DENND4C: variants seen among roughly 807,000 people sequenced by gnomAD.
DENND4C encodes DENN domain-containing protein 4C.
A neutral mutation model predicts 203.0 loss-of-function variants in DENND4C; 108 were observed. That is an observed-to-expected ratio of 0.53 (90% confidence interval 0.46 to 0.62). The LOEUF is 0.62. DENND4C is among the 20% of genes least tolerant of loss of function. The probability of loss-of-function intolerance (pLI) is 0.00; values close to 1 mark genes in which losing one functional copy is unlikely to be tolerated. For synonymous variants in DENND4C, 871 were observed against 792.4 expected, an observed-to-expected ratio of 1.10 and a Z score of -1.67; for missense variants, 2,481 against 2,301.2, an observed-to-expected ratio of 1.08 and a Z score of -1.60.
At chr9:19,336,982 T>A in intron 20 of DENND4C, 150 bp downstream of exon 20, 1 of 758,352 alleles carries the variant, frequency 1.3e-6, no homozygotes, top group South Asian at 2.0e-5. Context: ...AGTCTGCAGA[T>A]GACTTCTGTT....
chr9:19,366,009 G>A (rs1289164372), intron 30 of DENND4C, among the ~76,000 whole-genome samples: 4 of 152,164 alleles, frequency 2.6e-5, no homozygotes, highest in Non-Finnish European at 5.9e-5. Flanking sequence ...TTGATTTACA[G>A]ATTGAATGCA....
At chr9:19,288,501 T>C in intron 3 of DENND4C, 95 bp from the exon 4 acceptor site, 1 of 707,542 alleles carries the variant, frequency 1.4e-6, no homozygotes, top group Non-Finnish European at 2.0e-6. Context: ...AATAGACTCT[T>C]CTGAGTAAAT....
intron 1 of DENND4C, among the ~76,000 whole-genome samples, chr9:19,256,297 G>GTTTTTTTTTTTGTTTTTTTT (rs1827916654): frequency 8.2e-6 from 1 of 122,610 alleles, no homozygotes; most frequent in Non-Finnish European, 1.7e-5. Flanking sequence ...TTTCTTTTCT[G>GTTTTTTTTTTTGTTTTTTTT]TTTTTTTTTT....
intron 1 of DENND4C, among the ~76,000 whole-genome samples, chr9:19,240,942 G>A (rs1366267719): frequency 1.3e-5 from 2 of 152,122 alleles, no homozygotes; most frequent in Admixed American, 6.6e-5. Context: ...CAGCCTAGGC[G>A]ACAGAGTGAC....
At chr9:19,331,922 C>T in intron 16 of DENND4C, 56 bp from the exon 17 acceptor site, 2 of 1,468,110 alleles carry the variant, frequency 1.4e-6, no homozygotes, top group Non-Finnish European at 1.9e-6. Flanking sequence ...CTTCTCACTT[C>T]TCCCCTCACC....
chr9:19,366,820 C>T (rs1002405990), intron 30 of DENND4C, among the ~76,000 whole-genome samples: 1 of 152,038 alleles, frequency 6.6e-6, no homozygotes, highest in Admixed American at 6.6e-5. Context: ...AAAAAAGCAA[C>T]AAAAGCACAA....
intron 1 of DENND4C, among the ~76,000 whole-genome samples, chr9:19,253,987 A>G (rs1827292517): frequency 6.6e-6 from 1 of 152,216 alleles, no homozygotes; most frequent in Non-Finnish European, 1.5e-5. Context: ...CAAAAAATAC[A>G]AAAATTATAG....
At chr9:19,242,799 G>A (rs1824108307) in intron 1 of DENND4C, among the ~76,000 whole-genome samples, 1 of 152,026 alleles carries the variant, frequency 6.6e-6, no homozygotes, top group Non-Finnish European at 1.5e-5. Context: ...GGGACTATAG[G>A]CGCATGCCAC....
At chr9:19,254,685 G>T (rs914535332) in intron 1 of DENND4C, among the ~76,000 whole-genome samples, 3 of 152,160 alleles carry the variant, frequency 2.0e-5, no homozygotes, top group African/African-American at 7.2e-5. Context: ...AGAGCAAATT[G>T]TAAGTGACCC....
chr9:19,245,599 G>A (rs1825004417), intron 1 of DENND4C, among the ~76,000 whole-genome samples: 1 of 152,052 alleles, frequency 6.6e-6, no homozygotes, highest in Non-Finnish European at 1.5e-5. Flanking sequence ...GCTCACTCCT[G>A]TAATCCCAGC....
At chr9:19,355,093 G>T (rs1825097977) in intron 26 of DENND4C, among the ~76,000 whole-genome samples, 1 of 151,196 alleles carries the variant, frequency 6.6e-6, no homozygotes, top group Non-Finnish European at 1.5e-5. Flanking sequence ...TGTATTTTTG[G>T]TAGAGACAGG....
At chr9:19,288,537 C>A in intron 3 of DENND4C, 59 bp from the exon 4 acceptor site, 1 of 1,087,106 alleles carries the variant, frequency 9.2e-7, no homozygotes, top group African/African-American at 1.6e-5. Flanking sequence ...TGGTATCCAA[C>A]AAAATCAATT....
intron 1 of DENND4C, among the ~76,000 whole-genome samples, chr9:19,272,445 A>C (rs959989837): frequency 2.6e-5 from 4 of 151,862 alleles, no homozygotes; most frequent in African/African-American, 4.8e-5. Flanking sequence ...AAAACAAAAA[A>C]CAAAAAAATG....
chr9:19,298,359 G>A (rs1837873953), intron 7 of DENND4C, among the ~76,000 whole-genome samples: 1 of 152,112 alleles, frequency 6.6e-6, no homozygotes, highest in African/African-American at 2.4e-5. Context: ...TTTGGCCCAT[G>A]CATGACCTTT....
At chr9:19,231,557 T>C (rs1312976094) in intron 1 of DENND4C, among the ~76,000 whole-genome samples, 1 of 151,148 alleles carries the variant, frequency 6.6e-6, no homozygotes, top group Admixed American at 6.6e-5. Flanking sequence ...TTTTTTTTCC[T>C]CCCCTTTTCT....
At chr9:19,286,722 GTGTATGTA>G in intron 2 of DENND4C, 39 bp from the exon 3 acceptor site, 1 of 1,192,438 alleles carries the variant, frequency 8.4e-7, no homozygotes, top group Non-Finnish European at 1.1e-6. Flanking sequence ...ATATGTATGT[GTGTATGTA>G]TATATCTATA....
rs1260216253 is a variant in DENND4C at position 19,372,200 on chromosome 9, A to G, written c.*27A>G. ...TAGAGATTCACTAGAATGTTGACAC[A>G]CAAGGCTTGGGGATTAGATTTCATC... On this transcript the variant is annotated 3_prime_UTR_variant, in exon 33 of 33. Coordinates refer to ENST00000434457, the MANE Select transcript of DENND4C (RefSeq NM_001330640.2). 1 of 1,594,952 alleles carries G rather than the reference A, an allele frequency of 6.3e-7. No homozygotes were observed. The highest frequency in any genetic ancestry group is 1.3e-5 in the African/African-American group (1 of 74,212).
At chr9:19,296,364 CTTTTT>C in intron 6 of DENND4C, 118 bp downstream of exon 6, 47 of 480,294 alleles carry the variant, frequency 9.8e-5, no homozygotes, top group East Asian at 2.2e-4. Flanking sequence ...TTTAACTGAA[CTTTTT>C]TTTTTTTTTT....
At position 19,342,742 on chromosome 9, in the gene DENND4C, T is replaced by C. The variant is rs1821933749; in HGVS notation, c.3114T>C (p.Ser1038=). The part of the protein sequence containing the change: ...AWGSSIVKVP[S]GIFDVNSRKS... ...GCAGCAGTATTGTGAAAGTTCCGTCTGGTATATTTGATGTCAACAGCAGGA... is the reference window on the plus strand; with the variant it reads ...GCAGCAGTATTGTGAAAGTTCCGTCCGGTATATTTGATGTCAACAGCAGGA... The change falls in exon 22 of 33, where the codon TCT becomes TCC. Residue 1038 remains serine, a synonymous_variant. Transcript: ENST00000434457. 3.1e-6 allele frequency: 5 copies of C among 1,610,634 alleles called. No homozygotes were observed. In the Admixed American group the frequency reaches 5.0e-5, roughly 16 times the overall value.
Sources: allele counts gnomAD v4.1 joint callset (sites outside exome capture counted in the v4.1 genomes callset), GRCh38; gene constraint gnomAD v4.1.1; transcripts MANE v1.5; gene names NCBI Gene and HGNC (gene_info 2026-07-23, HGNC 2026-07-21).